SGCD: variants seen among roughly 807,000 people sequenced by gnomAD.
The protein encoded by SGCD is delta-sarcoglycan.
SGCD carries 18 observed loss-of-function variants against 36.6 expected under a neutral mutation model. That is an observed-to-expected ratio of 0.49 (90% CI 0.34 to 0.73). The LOEUF is 0.73. Among genes scored for constraint, SGCD ranks in the 30% least tolerant of loss-of-function variants. The pLI is 0.01. For synonymous variants in SGCD, 133 were observed against 130.6 expected (o/e 1.02, Z -0.12); for missense variants, 387 against 346.7 (o/e 1.12, Z -0.92).
chr5:156,330,016 C>CAAAAAAAAAAAAAAAAA (rs758475764), intron 2 of SGCD, among the ~76,000 whole-genome samples: 1 of 57,564 alleles, frequency 1.7e-5, no homozygotes, highest in Non-Finnish European at 3.3e-5. Flanking sequence ...GATTCAGTCT[C>CAAAAAAAAAAAAAAAAA]AAAAAAAAAA....
intron 3 of SGCD, among the ~76,000 whole-genome samples, chr5:156,466,735 G>A (rs910603037): frequency 1.3e-5 from 2 of 152,134 alleles, no homozygotes; most frequent in African/African-American, 2.4e-5. Flanking sequence ...AAGAGTAGGT[G>A]CAGTATCCAC....
At chr5:155,875,157 A>G (rs904369328) in intron 1 of SGCD, among the ~76,000 whole-genome samples, 8 of 152,136 alleles carry the variant, frequency 5.3e-5, no homozygotes, top group Non-Finnish European at 1.0e-4. Flanking sequence ...GACAAAAAGT[A>G]AATACGTATT....
At chr5:156,487,343 G>A (rs1755721765) in intron 3 of SGCD, among the ~76,000 whole-genome samples, 2 of 152,176 alleles carry the variant, frequency 1.3e-5, no homozygotes, top group South Asian at 2.1e-4. Flanking sequence ...ATAGATGCAT[G>A]TAGAGGAAAA....
At chr5:156,317,815 A>G (rs1460078539) in intron 3 of SGCD, among the ~76,000 whole-genome samples, 2 of 152,210 alleles carry the variant, frequency 1.3e-5, no homozygotes, top group Non-Finnish European at 2.9e-5. Flanking sequence ...TCTTTAGGAT[A>G]AAATACTGAT....
chr5:156,040,079 A>C (rs1391755025), intron 1 of SGCD, among the ~76,000 whole-genome samples: 1 of 152,218 alleles, frequency 6.6e-6, no homozygotes. Context: ...AGCTTCTGAC[A>C]TAGGTTTATA....
At chr5:156,295,374 GT>G (rs1182727015) in intron 3 of SGCD, among the ~76,000 whole-genome samples, 1 of 152,050 alleles carries the variant, frequency 6.6e-6, no homozygotes, top group African/African-American at 2.4e-5. Context: ...CTGAAGAGTT[GT>G]CAATTTTGTG....
chr5:156,020,275 GT>G (rs1211771880), intron 1 of SGCD, among the ~76,000 whole-genome samples: 2 of 152,114 alleles, frequency 1.3e-5, no homozygotes, highest in African/African-American at 4.8e-5. Context: ...GTATTTAAAT[GT>G]TTTTATTGAA....
intron 3 of SGCD, among the ~76,000 whole-genome samples, chr5:156,262,419 T>A (rs1044703303): frequency 2.0e-5 from 3 of 152,162 alleles, no homozygotes; most frequent in African/African-American, 7.2e-5. Flanking sequence ...TAGGTGTGTA[T>A]TAGGCTCTAT....
chr5:156,667,911 A>C (rs1202497714), intron 7 of SGCD, among the ~76,000 whole-genome samples: 1 of 152,222 alleles, frequency 6.6e-6, no homozygotes. Flanking sequence ...ATTCTCTTTC[A>C]ATTAAGAACA....
intron 7 of SGCD, among the ~76,000 whole-genome samples, chr5:156,753,490 G>A (rs1208177022): frequency 6.6e-6 from 1 of 152,218 alleles, no homozygotes; most frequent in African/African-American, 2.4e-5. Flanking sequence ...CAGGAGTGAT[G>A]CTCTCTGCAG....
At chr5:156,344,380 A>G in intron 2 of SGCD, 109 bp from the exon 3 acceptor site, 2 of 727,038 alleles carry the variant, frequency 2.8e-6, no homozygotes, top group Non-Finnish European at 4.4e-6. Context: ...ATAAAAGTAG[A>G]CAGCAGCCAG....
At chr5:156,301,977 C>T (rs942601499) in intron 3 of SGCD, among the ~76,000 whole-genome samples, 1 of 151,946 alleles carries the variant, frequency 6.6e-6, no homozygotes, top group Admixed American at 6.6e-5. Context: ...TAGAAAATGC[C>T]TTGAGGTAGT....
At chr5:155,982,983 GC>G (rs1758259617) in intron 1 of SGCD, among the ~76,000 whole-genome samples, 1 of 152,100 alleles carries the variant, frequency 6.6e-6, no homozygotes, top group Non-Finnish European at 1.5e-5. Context: ...AGGATCCAGT[GC>G]TTTTTATTTA....
intron 3 of SGCD, among the ~76,000 whole-genome samples, chr5:156,320,404 A>C (rs187949659): frequency 6.6e-6 from 1 of 152,204 alleles, no homozygotes; most frequent in African/African-American, 2.4e-5. Context: ...ATTTCCAAAT[A>C]AAAATGTGAT....
intron 3 of SGCD, among the ~76,000 whole-genome samples, chr5:156,171,066 A>G (rs544075305): frequency 6.6e-6 from 1 of 152,086 alleles, no homozygotes; most frequent in Non-Finnish European, 1.5e-5. Flanking sequence ...TTTTTCTCAC[A>G]TTAAAAGTTG....
intron 3 of SGCD, among the ~76,000 whole-genome samples, chr5:156,504,397 T>TAC (rs1260924958): frequency 5.9e-5 from 1 of 17,066 alleles, no homozygotes; most frequent in Non-Finnish European, 1.2e-4. Context: ...TGTGTGTATA[T>TAC]ATATATATAT....
intron 3 of SGCD, among the ~76,000 whole-genome samples, chr5:156,255,809 C>A (rs1477915460): frequency 6.6e-6 from 1 of 151,972 alleles, no homozygotes; most frequent in South Asian, 2.1e-4. Context: ...CACCTTTTGA[C>A]TTTATTGAAC....
chr5:155,811,758 C>T, the SGCD span, among the ~76,000 whole-genome samples: 2 of 152,048 alleles, frequency 1.3e-5, no homozygotes, highest in Non-Finnish European at 2.9e-5. Flanking sequence ...TTCGCAGTGT[C>T]AATAATGCAC....
rs144099684 is a variant in SGCD at position 156,745,849 on chromosome 5, G to T, written c.576-11732G>T. Among the ~76,000 whole-genome samples the T allele has an allele frequency of 1.1e-3, 169 of 152,052 alleles. 3 individuals are homozygous for T. The East Asian group carries it at 0.03, about 27-fold the overall frequency. The stretch of plus-strand genomic sequence containing the variant: ...AAATCAATATGAACATATATCTGAA[G>T]AATTACCTCAAAAGCAGAGAGACAG... On this transcript the variant is annotated intron_variant, in intron 7 of 8. Transcript: ENST00000337851.
Sources: gnomAD v4.1 joint callset for allele counts (sites outside exome capture counted in the v4.1 genomes callset) on GRCh38, gnomAD v4.1.1 for gene constraint, MANE v1.5 for transcripts, NCBI Gene and HGNC (gene_info 2026-07-23, HGNC 2026-07-21) for gene names.